Variants in PLCB1 observed in about 807,000 individuals in gnomAD.
The protein encoded by PLCB1 is 1-phosphatidylinositol 4,5-bisphosphate phosphodiesterase beta-1.
In PLCB1, 46 loss-of-function variants were observed where a neutral mutation model predicts 161.8. The ratio of observed to expected loss-of-function variants is 0.28; its 90% CI spans 0.22 to 0.36. PLCB1 has a LOEUF of 0.36. PLCB1 is among the 10% of genes least tolerant of loss of function. PLCB1 has a pLI of 1.00. For synonymous variants in PLCB1, 517 were observed against 503.7 expected, an observed-to-expected ratio of 1.03 and a Z score of -0.35; for missense variants, 1,016 against 1,472.5, an observed-to-expected ratio of 0.69 and a Z score of 5.07.
intron 3 of PLCB1, among the ~76,000 whole-genome samples, chr20:8,402,582 C>T (rs1434599123): frequency 6.6e-6 from 1 of 151,824 alleles, no homozygotes; most frequent in East Asian, 1.9e-4. Context: ...TGTCTGTAAT[C>T]CCAGCACTTT....
rs1284017734 is a variant in PLCB1 at position 8,298,605 on chromosome 20, TC to T, written c.178-72775del. 1.2e-4 allele frequency among the ~76,000 whole-genome samples: 19 copies of T among 152,048 alleles called. No individual in the cohort carries two copies. The South Asian group carries it at 2.5e-3, about 20-fold the overall frequency. ...GTGGAATTGGGGCTTTTTTTTTTTT[TC>T]CTCAACATGTAATGAGTCAGTGTGG... On this transcript the variant is annotated intron_variant, in intron 2 of 31. Transcript: ENST00000338037.
intron 9 of PLCB1, among the ~76,000 whole-genome samples, chr20:8,684,008 C>T (rs916716907): frequency 1.1e-4 from 16 of 149,434 alleles, no homozygotes; most frequent in East Asian, 4.1e-4. Context: ...CTCAGCCTCC[C>T]GAGTAGCTGG....
intron 2 of PLCB1, among the ~76,000 whole-genome samples, chr20:8,260,640 A>G (rs112201130): frequency 8.1e-4 from 124 of 152,256 alleles, no homozygotes; most frequent in African/African-American, 2.9e-3. Context: ...TAGCTTAGAT[A>G]AGCTAGAATC....
intron 4 of PLCB1, among the ~76,000 whole-genome samples, chr20:8,637,097 C>T (rs6039213): frequency 0.23 from 34,449 of 151,222 alleles, 4,239 homozygotes; most frequent in Admixed American, 0.32. Context: ...ATCTGGCTTC[C>T]TTGTTTAAAT....
At chr20:8,551,129 CT>C (rs1448929289) in intron 3 of PLCB1, among the ~76,000 whole-genome samples, 1 of 152,054 alleles carries the variant, frequency 6.6e-6, no homozygotes, top group African/African-American at 2.4e-5. Flanking sequence ...CTCATAAATT[CT>C]TTTGCTAAAT....
chr20:8,860,082 C>T (rs1367265253), intron 31 of PLCB1, among the ~76,000 whole-genome samples: 4 of 152,102 alleles, frequency 2.6e-5, no homozygotes, highest in Non-Finnish European at 5.9e-5. Flanking sequence ...CATCATTTAC[C>T]AGCTGTGTTG....
chr20:8,417,227 C>T (rs183392857), intron 3 of PLCB1, among the ~76,000 whole-genome samples: 117 of 150,456 alleles, frequency 7.8e-4, no homozygotes, highest in African/African-American at 2.8e-3. Flanking sequence ...GCTGGGACTA[C>T]AGGCGCCCAC....
At chr20:8,405,262 T>A (rs1488644511) in intron 3 of PLCB1, among the ~76,000 whole-genome samples, 2 of 152,088 alleles carry the variant, frequency 1.3e-5, no homozygotes, top group African/African-American at 4.8e-5. Context: ...TCTAGACTAG[T>A]CTAGAGTTGT....
At chr20:8,356,790 G>A (rs1986375746) in intron 2 of PLCB1, among the ~76,000 whole-genome samples, 1 of 152,118 alleles carries the variant, frequency 6.6e-6, no homozygotes, top group Non-Finnish European at 1.5e-5. Context: ...GGCCTATAAG[G>A]AGACCTATGA....
intron 3 of PLCB1, among the ~76,000 whole-genome samples, chr20:8,560,033 A>C (rs768915218): frequency 5.3e-5 from 8 of 151,948 alleles, no homozygotes; most frequent in Non-Finnish European, 1.2e-4. Flanking sequence ...AGCCCCTGTA[A>C]TTGTAGACTT....
rs138253202 is a variant in PLCB1, at chr20:8,768,371, T to C, written c.2930+3013T>C. Among the ~76,000 whole-genome samples the C allele has an allele frequency of 6.0e-3, 920 of 152,208 alleles. 8 individuals carry two copies. The highest frequency in any genetic ancestry group is 0.021 in the African/African-American group (885 of 41,502). On this transcript the variant is annotated intron_variant, in intron 26 of 31. Transcript: ENST00000338037. ...CACATGAATTCTCCCTGCGTAGGTGTGTCTTGGTCCAAATTTCCCTCTTCT... is the reference window on the plus strand; with the variant it reads ...CACATGAATTCTCCCTGCGTAGGTGCGTCTTGGTCCAAATTTCCCTCTTCT...
intron 24 of PLCB1, among the ~76,000 whole-genome samples, chr20:8,758,686 T>G (rs1276978838): frequency 6.6e-6 from 1 of 152,278 alleles, no homozygotes; most frequent in Middle Eastern, 3.4e-3. Context: ...AATACAAACA[T>G]CTTGAATGCT....
At chr20:8,421,780 C>G (rs1284475365) in intron 3 of PLCB1, among the ~76,000 whole-genome samples, 1 of 152,134 alleles carries the variant, frequency 6.6e-6, no homozygotes, top group Non-Finnish European at 1.5e-5. Flanking sequence ...TCAGCATCAC[C>G]AAGGGCTTAT....
intron 3 of PLCB1, among the ~76,000 whole-genome samples, chr20:8,591,071 G>A (rs1490237651): frequency 1.3e-5 from 2 of 152,112 alleles, no homozygotes; most frequent in Non-Finnish European, 2.9e-5. Flanking sequence ...AGAACATGAG[G>A]CGTTTGGTTT....
chr20:8,451,140 C>T (rs1305076623), intron 3 of PLCB1, among the ~76,000 whole-genome samples: 1 of 152,132 alleles, frequency 6.6e-6, no homozygotes, highest in Non-Finnish European at 1.5e-5. Context: ...TTTTCAGCCA[C>T]ACGGTATTGA....
chr20:8,778,271 A>G (rs977546211), intron 27 of PLCB1, among the ~76,000 whole-genome samples: 4 of 151,962 alleles, frequency 2.6e-5, no homozygotes, highest in African/African-American at 7.2e-5. Flanking sequence ...TCCCAAGAAG[A>G]CCTCTTGGGG....
chr20:8,513,730 TCAGGTG>T (rs1256353112), intron 3 of PLCB1, among the ~76,000 whole-genome samples: 1 of 152,052 alleles, frequency 6.6e-6, no homozygotes, highest in African/African-American at 2.4e-5. Flanking sequence ...ACAAAAGTGG[TCAGGTG>T]CAGTGGCTCA....
Position 8,524,937 on chromosome 20 carries a change from C to G in PLCB1, c.247-103357C>G, listed in dbSNP as rs573408694. 1.1e-4 allele frequency among the ~76,000 whole-genome samples: 16 copies of G among 152,268 alleles called. No homozygotes were observed. The East Asian group carries it at 3.1e-3, about 29-fold the overall frequency. On this transcript the variant is annotated intron_variant, in intron 3 of 31. Transcript: ENST00000338037. ...GCTGGGAACATTACTGCACCTACTT[C>G]CTAGTGCCTTGCAGGCATCTTTGGG...
chr20:8,349,732 A>G (rs1986119766), intron 2 of PLCB1, among the ~76,000 whole-genome samples: 1 of 152,174 alleles, frequency 6.6e-6, no homozygotes, highest in Admixed American at 6.5e-5. Context: ...GTTGCAGGGG[A>G]GCTGAGTAAG....
Sources: gnomAD v4.1 joint callset for allele counts (sites outside exome capture counted in the v4.1 genomes callset) on GRCh38, gnomAD v4.1.1 for gene constraint, MANE v1.5 for transcripts, NCBI Gene and HGNC (gene_info 2026-07-23, HGNC 2026-07-21) for gene names.